COLGALT2: variants seen among roughly 807,000 people sequenced by gnomAD.
The protein encoded by COLGALT2 is collagen beta(1-O)galactosyltransferase 2, also known as procollagen galactosyltransferase 2.
A neutral mutation model predicts 73.4 loss-of-function variants in COLGALT2; 49 were observed. The observed-to-expected ratio is 0.67, with a 90% CI of 0.53 to 0.85. The LOEUF is 0.85. Ranked by LOEUF, COLGALT2 falls within the 40% of genes least tolerant of loss-of-function variation. The pLI, the probability that COLGALT2 is intolerant of heterozygous loss-of-function variation, is 0.00. For synonymous variants in COLGALT2, 295 were observed against 307.6 expected (o/e 0.96, Z 0.43); for missense variants, 722 against 790.2 (o/e 0.91, Z 1.03).
intron 4 of COLGALT2, among the ~76,000 whole-genome samples, chr1:183,971,387 A>T (rs1427080953): frequency 1.5e-4 from 23 of 152,220 alleles, no homozygotes; most frequent in African/African-American, 5.5e-4. Flanking sequence ...AAAACAAGTG[A>T]GCACATTTCT....
chr1:183,945,057 T>TAAAGGTGGTCTGTC (rs982405645), intron 9 of COLGALT2, among the ~76,000 whole-genome samples: 1 of 152,204 alleles, frequency 6.6e-6, no homozygotes, highest in African/African-American at 2.4e-5. Context: ...TCTTCTTCGG[T>TAAAGGTGGTCTGTC]AAAGGTGGTC....
At chr1:183,969,534 C>A in intron 4 of COLGALT2, 61 bp from the exon 5 acceptor site, 1 of 1,447,146 alleles carries the variant, frequency 6.9e-7, no homozygotes, top group South Asian at 1.3e-5. Flanking sequence ...CCTTCTCAGT[C>A]ATTTGCTAGA....
chr1:183,983,926 T>C (rs952998854), intron 1 of COLGALT2, among the ~76,000 whole-genome samples: 9 of 152,218 alleles, frequency 5.9e-5, no homozygotes, highest in Non-Finnish European at 1.0e-4. Context: ...CTGCAAGTAA[T>C]TGACAGTCAG....
At chr1:184,014,424 G>A (rs1648933169) in intron 1 of COLGALT2, among the ~76,000 whole-genome samples, 1 of 152,158 alleles carries the variant, frequency 6.6e-6, no homozygotes, top group African/African-American at 2.4e-5. Context: ...TTAATGAGGG[G>A]GATTACTCAT....
At chr1:183,978,551 C>A (rs1232115823) in intron 1 of COLGALT2, 31 bp from the exon 2 acceptor site, 1 of 1,315,872 alleles carries the variant, frequency 7.6e-7, no homozygotes. Flanking sequence ...TATAGTTTAA[C>A]TATGTCATCC....
chr1:183,998,415 T>TG (rs1266400736), intron 1 of COLGALT2, among the ~76,000 whole-genome samples: 2 of 152,238 alleles, frequency 1.3e-5, no homozygotes, highest in Admixed American at 6.5e-5. Context: ...CTCTGTCGGT[T>TG]GGTTGATTCT....
downstream of COLGALT2, among the ~76,000 whole-genome samples, chr1:183,934,993 T>G (rs1435544553): frequency 6.6e-6 from 1 of 152,136 alleles, no homozygotes; most frequent in African/African-American, 2.4e-5. Flanking sequence ...TGTGTCTCAG[T>G]CTTGTTTGTT....
chr1:183,987,763 A>G (rs1379885640), intron 1 of COLGALT2, among the ~76,000 whole-genome samples: 2 of 152,234 alleles, frequency 1.3e-5, no homozygotes, highest in Non-Finnish European at 2.9e-5. Context: ...ATGAGCCAAC[A>G]GTGTGAAAGG....
chr1:183,975,711 A>G (rs1671170972), intron 2 of COLGALT2, among the ~76,000 whole-genome samples: 2 of 152,254 alleles, frequency 1.3e-5, no homozygotes, highest in South Asian at 4.1e-4. Context: ...GATTCCACAC[A>G]GCCTAACACA....
intron 8 of COLGALT2, among the ~76,000 whole-genome samples, chr1:183,948,505 T>C (rs545823312): frequency 2.6e-5 from 4 of 152,280 alleles, no homozygotes; most frequent in African/African-American, 7.2e-5. Context: ...GACAAACCAT[T>C]TGACAAAATC....
At chr1:184,012,602 A>G (rs1405919354) in intron 1 of COLGALT2, among the ~76,000 whole-genome samples, 1 of 152,210 alleles carries the variant, frequency 6.6e-6, no homozygotes, top group East Asian at 1.9e-4. Flanking sequence ...TAAACATAAA[A>G]TTCATCCTCA....
chr1:184,035,972 T>C (rs1649661198), intron 1 of COLGALT2, among the ~76,000 whole-genome samples: 1 of 152,258 alleles, frequency 6.6e-6, no homozygotes, highest in Admixed American at 6.5e-5. Context: ...AGGCTGCCAA[T>C]TCTAGCTGCT....
intron 1 of COLGALT2, among the ~76,000 whole-genome samples, chr1:184,012,685 A>C (rs1033784486): frequency 1.3e-5 from 2 of 152,214 alleles, no homozygotes; most frequent in African/African-American, 4.8e-5. Context: ...ACAGAAGAGA[A>C]TCCCAATTTT....
At chr1:183,997,480 T>C (rs576326997) in intron 1 of COLGALT2, among the ~76,000 whole-genome samples, 33 of 152,184 alleles carry the variant, frequency 2.2e-4, no homozygotes, top group Non-Finnish European at 4.4e-4. Flanking sequence ...AGGTGTCCAA[T>C]CTCTTGGCTT....
At chr1:184,013,248 G>A (rs1648870197) in intron 1 of COLGALT2, among the ~76,000 whole-genome samples, 1 of 152,228 alleles carries the variant, frequency 6.6e-6, no homozygotes, top group Admixed American at 6.5e-5. Flanking sequence ...CTGGTAGACA[G>A]AGATTGCAGC....
chr1:183,937,099 G>A lies in COLGALT2; in HGVS notation c.*1662C>T, dbSNP rs768307984. On this transcript the variant is annotated 3_prime_UTR_variant, in exon 12 of 12. Transcript: ENST00000361927. ...AAGAATTAGGTGTCTGGCTTAAAGT[G>A]TATCTTACACTCGTACACTAAGCTT... 6 of 1,230,758 alleles carry A rather than the reference G, an allele frequency of 4.9e-6. No individual in the cohort carries two copies. Among genetic ancestry groups the A allele is most frequent in the African/African-American group, 3.1e-5 (2 of 64,396 alleles). 76.2% of individuals were successfully genotyped at this position (1,230,758 alleles called of 1,614,324 possible).
At chr1:184,005,072 G>A (rs1672034918) in intron 1 of COLGALT2, among the ~76,000 whole-genome samples, 1 of 152,222 alleles carries the variant, frequency 6.6e-6, no homozygotes, top group Non-Finnish European at 1.5e-5. Flanking sequence ...TGCTGGCTGA[G>A]GGCTCCCGCA....
At chr1:183,939,632 C>T (rs1670055182) in intron 11 of COLGALT2, among the ~76,000 whole-genome samples, 1 of 152,152 alleles carries the variant, frequency 6.6e-6, no homozygotes. Flanking sequence ...TGCTAGGACA[C>T]AGAGATAAAG....
chr1:183,985,644 C>T (rs1671467047), intron 1 of COLGALT2, among the ~76,000 whole-genome samples: 4 of 152,150 alleles, frequency 2.6e-5, no homozygotes, highest in Admixed American at 2.6e-4. Flanking sequence ...CCTGCCACAC[C>T]CGAGAAAGTC....
Sources: allele counts gnomAD v4.1 joint callset (sites outside exome capture counted in the v4.1 genomes callset), GRCh38; gene constraint gnomAD v4.1.1; transcripts MANE v1.5; gene names NCBI Gene and HGNC (gene_info 2026-07-23, HGNC 2026-07-21).